Variants in ZNF474 observed in about 807,000 individuals in gnomAD.
The protein encoded by ZNF474 is zinc finger protein 474.
For missense variants in ZNF474, 511 were observed against 433.8 expected (o/e 1.18, Z -1.58); for synonymous variants, 192 against 162.2 (o/e 1.18, Z -1.39).
At chr5:122,141,974 C>T (rs949105939) in intron 1 of ZNF474, among the ~76,000 whole-genome samples, 3 of 152,204 alleles carry the variant, frequency 2.0e-5, no homozygotes, top group African/African-American at 7.2e-5. Flanking sequence ...ACTTCTAATG[C>T]TGCTTTCTCC....
At chr5:122,142,488 G>A (rs1289381493) in intron 1 of ZNF474, among the ~76,000 whole-genome samples, 2 of 152,186 alleles carry the variant, frequency 1.3e-5, no homozygotes, top group African/African-American at 2.4e-5. Context: ...ACTAAAAGCT[G>A]AAGAGGTTTT....
At chr5:122,140,947 C>T (rs1191318977) in intron 1 of ZNF474, among the ~76,000 whole-genome samples, 1 of 152,066 alleles carries the variant, frequency 6.6e-6, no homozygotes, top group Non-Finnish European at 1.5e-5. Context: ...CAGCAATACC[C>T]ATGAGCTACT....
chr5:122,152,603 C>G lies in ZNF474; in HGVS notation c.613C>G (p.Leu205Val), dbSNP rs1756221289. 1.2e-6 allele frequency: 2 copies of G among 1,614,224 alleles called. No individual in the cohort carries two copies. Among genetic ancestry groups the G allele is most frequent in the Non-Finnish European group, 1.7e-6 (2 of 1,180,046 alleles). The change falls in exon 2 of 2, where the codon CTT (leucine) becomes GTT (valine). Residue 205 changes from leucine (L) to valine (V), a missense_variant. Leu to Val is a conservative substitution (Grantham distance 32). Transcript: ENST00000296600. The part of the protein sequence containing the change: ...RAPHSNSSDH[L>V]TGLKKACSGT... ...ACCACACTCAAACAGTTCTGATCAT[C>G]TTACTGGCCTCAAGAAAGCTTGTAG... is the stretch of plus-strand genomic sequence containing the variant.
intron 1 of ZNF474, among the ~76,000 whole-genome samples, chr5:122,130,462 T>C (rs893948257): frequency 1.3e-5 from 2 of 152,216 alleles, no homozygotes; most frequent in African/African-American, 2.4e-5. Context: ...GACTGACGTC[T>C]CTGGCTCAGC....
chr5:122,148,961 C>T (rs1756065950), intron 1 of ZNF474, among the ~76,000 whole-genome samples: 1 of 152,082 alleles, frequency 6.6e-6, no homozygotes, highest in African/African-American at 2.4e-5. Context: ...AACTCCAGAC[C>T]TCAGGTGATC....
At chr5:122,151,509 G>A (rs929835612) in intron 1 of ZNF474, among the ~76,000 whole-genome samples, 6 of 152,094 alleles carry the variant, frequency 3.9e-5, no homozygotes, top group Non-Finnish European at 8.8e-5. Context: ...TGCTGTAATT[G>A]TCAAGTTAAC....
Position 122,132,469 on chromosome 5 carries a change from T to G in ZNF474, c.-213+2786T>G, listed in dbSNP as rs1357665263. Among the ~76,000 whole-genome samples, 8 of 152,212 alleles carry G rather than the reference T, an allele frequency of 5.3e-5. No homozygotes were observed. The East Asian group carries it at 1.5e-3, about 29-fold the overall frequency. ...CAATCTATGTCTTGCCTTTTAATTT[T>G]CTTAATTTTTTTAATGTGCAGAAGT... On this transcript the variant is annotated intron_variant, in intron 1 of 1. Coordinates refer to ENST00000296600, the MANE Select transcript of ZNF474 (RefSeq NM_207317.3).
At chr5:122,136,311 T>A (rs1463438375) in intron 1 of ZNF474, among the ~76,000 whole-genome samples, 1 of 151,946 alleles carries the variant, frequency 6.6e-6, no homozygotes, top group Non-Finnish European at 1.5e-5. Flanking sequence ...AAAAAGAAGA[T>A]ATCTGATTTC....
intron 1 of ZNF474, among the ~76,000 whole-genome samples, chr5:122,145,721 G>A (rs1303400344): frequency 6.6e-6 from 1 of 152,216 alleles, no homozygotes; most frequent in African/African-American, 2.4e-5. Flanking sequence ...GGTCTGAGTT[G>A]AGGATTAAAT....
At chr5:122,146,325 C>A (rs1407727675) in intron 1 of ZNF474, among the ~76,000 whole-genome samples, 2 of 151,894 alleles carry the variant, frequency 1.3e-5, no homozygotes, top group African/African-American at 4.8e-5. Flanking sequence ...CTTTAATAAG[C>A]TTGTGGAAAA....
At chr5:122,134,398 A>G (rs1376165636) in intron 1 of ZNF474, among the ~76,000 whole-genome samples, 1 of 152,218 alleles carries the variant, frequency 6.6e-6, no homozygotes, top group East Asian at 1.9e-4. Context: ...ATAAGTTCAC[A>G]TTGATTAATA....
chr5:122,151,377 G>T (rs1001093594), intron 1 of ZNF474, among the ~76,000 whole-genome samples: 1 of 152,034 alleles, frequency 6.6e-6, no homozygotes, highest in Non-Finnish European at 1.5e-5. Flanking sequence ...GGGCCCAGGG[G>T]GTCTTTTCGT....
intron 1 of ZNF474, among the ~76,000 whole-genome samples, chr5:122,143,052 G>T (rs577719903): frequency 6.6e-6 from 1 of 152,070 alleles, no homozygotes; most frequent in East Asian, 1.9e-4. Context: ...GTAATGAATG[G>T]TATTGATAAT....
intron 1 of ZNF474, among the ~76,000 whole-genome samples, chr5:122,134,371 T>C (rs1755648337): frequency 6.6e-6 from 1 of 152,246 alleles, no homozygotes; most frequent in Non-Finnish European, 1.5e-5. Context: ...AGTAGGATTC[T>C]GGTTGCATTG....
intron 1 of ZNF474, among the ~76,000 whole-genome samples, chr5:122,129,992 T>G (rs1195901436): frequency 6.6e-6 from 1 of 152,192 alleles, no homozygotes; most frequent in East Asian, 1.9e-4. Flanking sequence ...TTCTAATACC[T>G]AAAAAATAAT....
intron 1 of ZNF474, among the ~76,000 whole-genome samples, chr5:122,137,076 T>C (rs1292393841): frequency 6.6e-6 from 1 of 152,182 alleles, no homozygotes; most frequent in Non-Finnish European, 1.5e-5. Flanking sequence ...AACAGTGGCA[T>C]CACTGAACAT....
At chr5:122,145,578 A>G (rs928935332) in intron 1 of ZNF474, among the ~76,000 whole-genome samples, 3 of 152,154 alleles carry the variant, frequency 2.0e-5, no homozygotes, top group African/African-American at 7.2e-5. Flanking sequence ...ATAAAATTTA[A>G]AAAAATACAA....
Position 122,153,321 on chromosome 5 carries a change from C to CTGA in ZNF474, c.*238_*240dup, listed in dbSNP as rs1756250107. 2.1e-6 allele frequency: 1 copy of CTGA among 477,686 alleles called. No homozygotes were observed. The highest frequency in any genetic ancestry group is 3.7e-6 in the Non-Finnish European group (1 of 268,398). 29.6% of individuals were successfully genotyped at this position (477,686 alleles called of 1,614,324 possible). A position where few individuals can be genotyped will look rare whatever the true frequency, so the allele number is the denominator to read the frequency against. On this transcript the variant is annotated 3_prime_UTR_variant, in exon 2 of 2. Coordinates refer to ENST00000296600, the MANE Select transcript of ZNF474 (RefSeq NM_207317.3). Reference sequence around the variant, plus strand: ...GATGGACTTCTTTCTTCCCTGATCCCTGATACAAATAATCCCTGGGAGAGA... The same window carrying CTGA: ...GATGGACTTCTTTCTTCCCTGATCCCTGATGATACAAATAATCCCTGGGAGAGA...
At chr5:122,132,936 C>G (rs1034389799) in intron 1 of ZNF474, among the ~76,000 whole-genome samples, 1 of 152,108 alleles carries the variant, frequency 6.6e-6, no homozygotes, top group Non-Finnish European at 1.5e-5. Context: ...AATATGGAAG[C>G]TGAATTCTTC....
Sources: gnomAD v4.1 joint callset for allele counts (sites outside exome capture counted in the v4.1 genomes callset) on GRCh38, gnomAD v4.1.1 for gene constraint, MANE v1.5 for transcripts, NCBI Gene and HGNC (gene_info 2026-07-23, HGNC 2026-07-21) for gene names.